The following PPP6R3 variants were observed in gnomAD, a reference collection of about 807,000 sequenced individuals.
PPP6R3 encodes serine/threonine-protein phosphatase 6 regulatory subunit 3.
A neutral mutation model predicts 110.7 loss-of-function variants in PPP6R3; 38 were observed. The observed-to-expected ratio is 0.34, with a 90% CI of 0.26 to 0.45. PPP6R3 has a LOEUF of 0.45. Ranked by LOEUF, PPP6R3 falls within the 20% of genes least tolerant of loss-of-function variation. PPP6R3 has a pLI of 1.00. For synonymous variants in PPP6R3, 369 were observed against 373.5 expected (o/e 0.99, Z 0.14); for missense variants, 870 against 1,062.4 (o/e 0.82, Z 2.52).
intron 15 of PPP6R3, chr11:68,586,406 A>G (rs1417265258): frequency 1.3e-5 from 2 of 152,248 alleles, no homozygotes; most frequent in Admixed American, 1.3e-4. Context: ...ACTTGTCCCT[A>G]CCCTTCTGCT....
intron 1 of PPP6R3, among the ~76,000 whole-genome samples, chr11:68,509,744 A>ATTTTTTT (rs59022544): frequency 1.4e-4 from 14 of 102,118 alleles, no homozygotes; most frequent in African/African-American, 3.8e-4. Context: ...CATGTGGCTA[A>ATTTTTTT]TTTTTTTTTT....
chr11:68,571,022 T>A lies in PPP6R3; in HGVS notation c.1279-18T>A. 6.3e-7 allele frequency: 1 copy of A among 1,582,820 alleles called. No individual in the cohort carries two copies. Among genetic ancestry groups the A allele is most frequent in the Non-Finnish European group, 8.6e-7 (1 of 1,167,832 alleles). On this transcript the variant is annotated intron_variant, in intron 11 of 23. Transcript: ENST00000393800. The stretch of plus-strand genomic sequence containing the variant: ...TGCTTTGAAGTATTAACTGGAATAT[T>A]CTTTTTTTTTTTTTCAGCTTTTCCA...
At chr11:68,573,121 TA>T in intron 12 of PPP6R3, among the ~76,000 whole-genome samples, 1 of 41,384 alleles carries the variant, frequency 2.4e-5, no homozygotes, top group East Asian at 5.9e-4. Flanking sequence ...ATTTTATATA[TA>T]TATATATATA....
At chr11:68,587,807 C>T (rs1392117930) in intron 15 of PPP6R3, 120 bp from the exon 16 acceptor site, 5 of 903,260 alleles carry the variant, frequency 5.5e-6, no homozygotes, top group Non-Finnish European at 9.2e-6. Flanking sequence ...GAAAAACACA[C>T]CAACTTTTAT....
At chr11:68,611,023 A>AT (rs560152350) in intron 23 of PPP6R3, among the ~76,000 whole-genome samples, 43 of 152,020 alleles carry the variant, frequency 2.8e-4, no homozygotes, top group Admixed American at 2.0e-3. Flanking sequence ...GATTAGAAAT[A>AT]TTTTTTTTGC....
chr11:68,581,286 G>A (rs2099553472), intron 14 of PPP6R3, among the ~76,000 whole-genome samples: 2 of 152,180 alleles, frequency 1.3e-5, no homozygotes, highest in South Asian at 2.1e-4. Context: ...CATGCGAAGG[G>A]GAGGTCACAA....
At chr11:68,487,567 CA>C (rs1229907000) in intron 1 of PPP6R3, among the ~76,000 whole-genome samples, 1,836 of 132,664 alleles carry the variant, frequency 0.014, 28 homozygotes, top group African/African-American at 0.044. Flanking sequence ...AAGACTGCCT[CA>C]AAAAAAAAAA....
intron 20 of PPP6R3, among the ~76,000 whole-genome samples, chr11:68,601,377 G>T (rs1333038458): frequency 1.3e-5 from 2 of 152,158 alleles, no homozygotes; most frequent in African/African-American, 4.8e-5. Flanking sequence ...ACCCCTTACT[G>T]CTCAGGCATT....
At chr11:68,503,268 G>A (rs999542614) in intron 1 of PPP6R3, among the ~76,000 whole-genome samples, 24 of 152,168 alleles carry the variant, frequency 1.6e-4, no homozygotes, top group African/African-American at 5.5e-4. Flanking sequence ...AAAAACCCAC[G>A]GAAACGGCTT....
chr11:68,461,702 T>G (rs1011660572), intron 1 of PPP6R3, among the ~76,000 whole-genome samples: 1 of 152,206 alleles, frequency 6.6e-6, no homozygotes, highest in Non-Finnish European at 1.5e-5. Flanking sequence ...ATTTTCCTGG[T>G]ACTTCACGTT....
chr11:68,551,818 T>C (rs1464790056), intron 6 of PPP6R3, among the ~76,000 whole-genome samples: 1 of 152,180 alleles, frequency 6.6e-6, no homozygotes, highest in Admixed American at 6.5e-5. Flanking sequence ...TCTGTAGCAG[T>C]TGATGTGGCC....
chr11:68,586,800 C>T (rs2099579944), intron 15 of PPP6R3: 1 of 152,206 alleles, frequency 6.6e-6, no homozygotes, highest in African/African-American at 2.4e-5. Flanking sequence ...ATGGTAGAGG[C>T]ATTTCTGCAG....
Position 68,564,355 on chromosome 11 carries a change from T to G in PPP6R3, c.898T>G (p.Ser300Ala). ...CPPGMSHSACSVNKSVLEAIR... is the reference protein window; with the variant it reads ...CPPGMSHSACAVNKSVLEAIR... Reference sequence around the variant, plus strand: ...ACCAGGCATGAGCCATTCAGCTTGTTCAGTAAACAAGAGTGTTCTAGAAGC... The same window carrying G: ...ACCAGGCATGAGCCATTCAGCTTGTGCAGTAAACAAGAGTGTTCTAGAAGC... The change falls in exon 9 of 24, where the codon TCA (serine) becomes GCA (alanine). Residue 300 changes from serine to alanine, a missense_variant. Coordinates refer to ENST00000393800, the MANE Select transcript of PPP6R3 (RefSeq NM_001164161.2). 1.9e-6 allele frequency: 3 copies of G among 1,613,392 alleles called. No individual in the cohort carries two copies. The highest frequency in any genetic ancestry group is 2.5e-6 in the Non-Finnish European group (3 of 1,179,268).
At chr11:68,509,470 A>ATTTTTTTTTTTTTTTTTTTTTTTTTTTT in intron 1 of PPP6R3, among the ~76,000 whole-genome samples, 1 of 116,474 alleles carries the variant, frequency 8.6e-6, no homozygotes, top group Non-Finnish European at 1.8e-5. Flanking sequence ...TTACTTCTCT[A>ATTTTTTTTTTTTTTTTTTTTTTTTTTTT]TTTTTTTTTT....
intron 18 of PPP6R3, among the ~76,000 whole-genome samples, chr11:68,594,504 A>G (rs961230092): frequency 1.3e-5 from 2 of 152,204 alleles, no homozygotes; most frequent in Admixed American, 1.3e-4. Context: ...TTTTTTAAAA[A>G]AAGAAAAAAT....
chr11:68,481,905 G>A (rs1046277993), intron 1 of PPP6R3, among the ~76,000 whole-genome samples: 6 of 152,112 alleles, frequency 3.9e-5, no homozygotes, highest in African/African-American at 1.4e-4. Flanking sequence ...TAGTCATCTT[G>A]AGATGAAGCA....
chr11:68,606,345 G>GAGTGC (rs1203178781), intron 22 of PPP6R3, among the ~76,000 whole-genome samples: 1 of 151,782 alleles, frequency 6.6e-6, no homozygotes. Context: ...TCTTCAAGAT[G>GAGTGC]AGTGCAGTGA....
chr11:68,579,241 G>A (rs2153815097), intron 14 of PPP6R3, among the ~76,000 whole-genome samples: 1 of 152,298 alleles, frequency 6.6e-6, no homozygotes, highest in East Asian at 1.9e-4. Flanking sequence ...CAAGGAATAA[G>A]TCTCTAGCTT....
chr11:68,542,764 T>C (rs1487453381), intron 3 of PPP6R3, among the ~76,000 whole-genome samples: 1 of 152,322 alleles, frequency 6.6e-6, no homozygotes, highest in Non-Finnish European at 1.5e-5. Flanking sequence ...ACCAGAACTC[T>C]GAGCTTTTTG....
Sources: gnomAD v4.1 joint callset for allele counts (sites outside exome capture counted in the v4.1 genomes callset) on GRCh38, gnomAD v4.1.1 for gene constraint, MANE v1.5 for transcripts, NCBI Gene and HGNC (gene_info 2026-07-23, HGNC 2026-07-21) for gene names.